The following MTUS2 variants were observed in gnomAD, a reference collection of about 807,000 sequenced individuals.
The protein encoded by MTUS2 is microtubule-associated tumor suppressor candidate 2.
Under a neutral mutation model 114.1 loss-of-function variants are expected in MTUS2, and 40 were observed. The observed-to-expected ratio is 0.35, with a 90% CI of 0.27 to 0.46. The LOEUF (loss-of-function observed/expected upper bound fraction) is 0.46, where lower values mean the gene tolerates loss of function less well. Ranked by LOEUF, MTUS2 falls within the 20% of genes least tolerant of loss-of-function variation. The probability of loss-of-function intolerance (pLI) is 1.00; values close to 1 mark genes in which losing one functional copy is unlikely to be tolerated. For missense variants in MTUS2, 1,679 were observed against 1,705.4 expected, an observed-to-expected ratio of 0.98 and a Z score of 0.27; for synonymous variants, 688 against 672.0, an observed-to-expected ratio of 1.02 and a Z score of -0.37.
At chr13:29,095,709 T>A (rs934917281) in intron 4 of MTUS2, among the ~76,000 whole-genome samples, 1 of 72,112 alleles carries the variant, frequency 1.4e-5, no homozygotes, top group African/African-American at 5.0e-5. Context: ...TATTGATCTA[T>A]CTTCAAGTTC....
intron 2 of MTUS2, among the ~76,000 whole-genome samples, chr13:28,878,259 GTGTATATGTGTATATA>G (rs1878072461): frequency 6.6e-6 from 1 of 150,956 alleles, no homozygotes; most frequent in African/African-American, 2.5e-5. Flanking sequence ...ATGTGTGTGT[GTGTATATGTGTATATA>G]TGTGTGTGTA....
At chr13:29,076,283 G>A (rs1436479811) in intron 4 of MTUS2, among the ~76,000 whole-genome samples, 2 of 152,170 alleles carry the variant, frequency 1.3e-5, no homozygotes, top group African/African-American at 4.8e-5. Context: ...TACAGGATAA[G>A]TTTTTTATTA....
chr13:28,824,279 A>G (rs1874115442), intron 1 of MTUS2, among the ~76,000 whole-genome samples: 1 of 152,198 alleles, frequency 6.6e-6, no homozygotes, highest in Non-Finnish European at 1.5e-5. Flanking sequence ...TTTGAGATAT[A>G]TGTGTATCTC....
At chr13:29,131,541 C>CA (rs921788210) in intron 5 of MTUS2, among the ~76,000 whole-genome samples, 43 of 152,250 alleles carry the variant, frequency 2.8e-4, no homozygotes, top group Admixed American at 2.7e-3. Flanking sequence ...ATGGCCATGG[C>CA]AATGGTGGGG....
At chr13:29,023,227 G>A (rs935777761) in intron 2 of MTUS2, among the ~76,000 whole-genome samples, 2 of 152,184 alleles carry the variant, frequency 1.3e-5, no homozygotes, top group African/African-American at 4.8e-5. Flanking sequence ...GAGGAATGAG[G>A]CCAATGTGGC....
chr13:29,183,488 C>G (rs972333947), intron 5 of MTUS2, among the ~76,000 whole-genome samples: 2 of 152,000 alleles, frequency 1.3e-5, no homozygotes, highest in Non-Finnish European at 2.9e-5. Flanking sequence ...GTCTGGAGTT[C>G]AGAGGAGAAA....
chr13:29,106,428 C>T (rs185074720), intron 5 of MTUS2, among the ~76,000 whole-genome samples: 4 of 152,244 alleles, frequency 2.6e-5, no homozygotes, highest in Non-Finnish European at 5.9e-5. Context: ...GGCATGATCT[C>T]GTCTCACTGC....
chr13:28,829,902 G>T (rs1474275334), intron 1 of MTUS2, among the ~76,000 whole-genome samples: 7 of 152,110 alleles, frequency 4.6e-5, no homozygotes, highest in Non-Finnish European at 5.9e-5. Context: ...ACTTAATAAG[G>T]CCTTAATCTG....
At chr13:29,068,506 A>T (rs1888764603) in intron 4 of MTUS2, among the ~76,000 whole-genome samples, 1 of 152,198 alleles carries the variant, frequency 6.6e-6, no homozygotes, top group African/African-American at 2.4e-5. Flanking sequence ...TGTGCATCAG[A>T]TATCCTCAGG....
chr13:28,935,010 T>TTTTTTTTG (rs1881821537), intron 2 of MTUS2, among the ~76,000 whole-genome samples: 1 of 140,876 alleles, frequency 7.1e-6, no homozygotes, highest in African/African-American at 2.8e-5. Context: ...CATAGCGTTT[T>TTTTTTTTG]TTTTTTTTTT....
At chr13:29,022,358 T>C (rs1229801094) in intron 2 of MTUS2, among the ~76,000 whole-genome samples, 1 of 152,198 alleles carries the variant, frequency 6.6e-6, no homozygotes, top group Non-Finnish European at 1.5e-5. Flanking sequence ...TATATTATTT[T>C]GCTTTGTAAC....
chr13:29,348,781 C>A (rs148239049), intron 7 of MTUS2, among the ~76,000 whole-genome samples: 1 of 152,242 alleles, frequency 6.6e-6, no homozygotes, highest in African/African-American at 2.4e-5. Flanking sequence ...ATGAATTGGC[C>A]ACTTTATCAT....
intron 5 of MTUS2, among the ~76,000 whole-genome samples, chr13:29,231,327 C>T (rs7981637): frequency 0.76 from 116,206 of 152,144 alleles, 44,513 homozygotes; most frequent in East Asian, 0.89. Context: ...CTTTTTCCAA[C>T]ACACAAAACT....
At chr13:29,268,494 C>T (rs1190760982) in intron 5 of MTUS2, among the ~76,000 whole-genome samples, 2 of 152,108 alleles carry the variant, frequency 1.3e-5, no homozygotes, top group African/African-American at 4.8e-5. Flanking sequence ...ATCAAATGCT[C>T]TGCTTTCTCC....
intron 8 of MTUS2, among the ~76,000 whole-genome samples, chr13:29,363,066 AC>A (rs1426061104): frequency 6.6e-6 from 1 of 151,552 alleles, no homozygotes. Context: ...ATGCTCCCAG[AC>A]CCCCAAGTGG....
intron 2 of MTUS2, among the ~76,000 whole-genome samples, chr13:28,922,707 AC>A (rs1373255178): frequency 2.6e-5 from 4 of 152,056 alleles, no homozygotes; most frequent in Non-Finnish European, 5.9e-5. Context: ...GAGATGGGAG[AC>A]GGGTGGCATT....
intron 5 of MTUS2, among the ~76,000 whole-genome samples, chr13:29,210,006 T>A (rs1010744644): frequency 2.0e-5 from 3 of 152,246 alleles, no homozygotes; most frequent in Non-Finnish European, 4.4e-5. Flanking sequence ...TTTCCTTGAT[T>A]ATTCCCTCAA....
intron 5 of MTUS2, among the ~76,000 whole-genome samples, chr13:29,149,411 A>G (rs1026669555): frequency 1.3e-5 from 2 of 152,132 alleles, no homozygotes; most frequent in Non-Finnish European, 2.9e-5. Flanking sequence ...TTCCTTGTAG[A>G]TACTGGATAT....
Position 29,359,474 on chromosome 13 carries a change from G to T in MTUS2, c.3117+1G>T. On this transcript the variant is annotated splice_donor_variant, in intron 8 of 15. Coordinates refer to ENST00000612955, the MANE Select transcript of MTUS2 (RefSeq NM_001033602.4). LOFTEE classifies it high-confidence loss of function. ...GGCCACGCAGCATTTCTTTAGAAAG[G>T]TGAGGCCCCATTTCGTGAAGGTCCA... is the stretch of plus-strand genomic sequence containing the variant. 6.2e-7 allele frequency: 1 copy of T among 1,607,872 alleles called. No homozygotes were observed. Among genetic ancestry groups the T allele is most frequent in the Non-Finnish European group, 8.5e-7 (1 of 1,177,938 alleles).
Sources: allele counts gnomAD v4.1 joint callset (sites outside exome capture counted in the v4.1 genomes callset), GRCh38; gene constraint gnomAD v4.1.1; transcripts MANE v1.5; gene names NCBI Gene and HGNC (gene_info 2026-07-23, HGNC 2026-07-21).